The following KAZN variants were observed in gnomAD, a reference collection of about 807,000 sequenced individuals.
KAZN encodes the protein kazrin.
In KAZN, 40 loss-of-function variants were observed where a neutral mutation model predicts 87.4. The observed-to-expected ratio is 0.46, with a 90% confidence interval of 0.36 to 0.60. The LOEUF is 0.60. KAZN is among the 20% of genes least tolerant of loss of function. The pLI is 0.00. For missense variants in KAZN, 898 were observed against 1,073.9 expected (o/e 0.84, Z 2.29); for synonymous variants, 466 against 458.3 (o/e 1.02, Z -0.22).
At chr1:14,254,863 C>T (rs1021037276) in intron 2 of KAZN, among the ~76,000 whole-genome samples, 1 of 152,116 alleles carries the variant, frequency 6.6e-6, no homozygotes, top group Non-Finnish European at 1.5e-5. Flanking sequence ...TGGCTCATGC[C>T]TGTAATCCCA....
intron 1 of KAZN, among the ~76,000 whole-genome samples, chr1:14,946,431 G>A (rs920864347): frequency 4.6e-5 from 7 of 151,118 alleles, no homozygotes; most frequent in South Asian, 2.1e-4. Context: ...TCTGCCTCCC[G>A]GGTTCACGCC....
At chr1:14,221,253 T>C (rs559915716) in intron 2 of KAZN, among the ~76,000 whole-genome samples, 3 of 152,298 alleles carry the variant, frequency 2.0e-5, no homozygotes, top group East Asian at 3.9e-4. Context: ...CACAACTATA[T>C]TCGAAAGGTA....
At chr1:14,802,683 A>G (rs900176557) in intron 1 of KAZN, among the ~76,000 whole-genome samples, 10 of 152,174 alleles carry the variant, frequency 6.6e-5, no homozygotes, top group African/African-American at 2.4e-4. Context: ...GTTCACAGAC[A>G]CTGTTCCAAC....
intron 1 of KAZN, among the ~76,000 whole-genome samples, chr1:14,960,136 T>C (rs908708814): frequency 1.3e-5 from 2 of 152,182 alleles, no homozygotes; most frequent in Non-Finnish European, 2.9e-5. Flanking sequence ...AATATGCCTT[T>C]CTATGGCTGT....
chr1:14,705,647 A>G (rs1642168620), intron 1 of KAZN, among the ~76,000 whole-genome samples: 1 of 152,198 alleles, frequency 6.6e-6, no homozygotes, highest in Non-Finnish European at 1.5e-5. Context: ...GTGGAACTGG[A>G]GGACATTATG....
At chr1:14,796,454 C>T (rs968804857) in intron 1 of KAZN, among the ~76,000 whole-genome samples, 1 of 152,222 alleles carries the variant, frequency 6.6e-6, no homozygotes, top group African/African-American at 2.4e-5. Flanking sequence ...CAGACCTTGT[C>T]CTGCCCAGCT....
chr1:14,722,872 T>A (rs949704430), intron 1 of KAZN, among the ~76,000 whole-genome samples: 1 of 152,148 alleles, frequency 6.6e-6, no homozygotes, highest in Non-Finnish European at 1.5e-5. Flanking sequence ...ATGCCTGTAA[T>A]CCCAACCCTT....
intron 1 of KAZN, among the ~76,000 whole-genome samples, chr1:13,908,539 G>T (rs185284309): frequency 4.5e-4 from 69 of 152,324 alleles, no homozygotes; most frequent in African/African-American, 1.4e-3. Flanking sequence ...TTAAACAAAA[G>T]TTCCTTTGTG....
chr1:14,049,318 G>A (rs1159765376), intron 1 of KAZN, among the ~76,000 whole-genome samples: 1 of 152,076 alleles, frequency 6.6e-6, no homozygotes, highest in Non-Finnish European at 1.5e-5. Flanking sequence ...GCCTGTTGTG[G>A]GGTGGGGGGA....
At chr1:15,113,875 CTTTACTT>C (rs1257598569) in intron 14 of KAZN, 1 of 152,124 alleles carries the variant, frequency 6.6e-6, no homozygotes, top group Non-Finnish European at 1.5e-5. Flanking sequence ...ACTGGTGGGA[CTTTACTT>C]TTTACAACAA....
chr1:14,532,378 G>A (rs999331336), intron 2 of KAZN, among the ~76,000 whole-genome samples: 3 of 152,116 alleles, frequency 2.0e-5, no homozygotes, highest in Non-Finnish European at 2.9e-5. Flanking sequence ...AGGACATTCC[G>A]GAGACTTGCT....
chr1:14,258,477 C>T (rs1276181784), intron 2 of KAZN, among the ~76,000 whole-genome samples: 2 of 150,830 alleles, frequency 1.3e-5, no homozygotes, highest in South Asian at 2.1e-4. Context: ...CCTCGTGATC[C>T]ACCTGCCTCG....
chr1:14,090,424 C>T (rs115150391), intron 1 of KAZN, among the ~76,000 whole-genome samples: 1,971 of 151,738 alleles, frequency 0.013, 40 homozygotes, highest in African/African-American at 0.045. Flanking sequence ...CTGTCAATTC[C>T]GTCTGGTATT....
At chr1:14,654,013 C>T (rs1035091973) in intron 1 of KAZN, among the ~76,000 whole-genome samples, 3 of 152,166 alleles carry the variant, frequency 2.0e-5, no homozygotes, top group Non-Finnish European at 2.9e-5. Flanking sequence ...AGGCCAGGCA[C>T]GATGGCTCAC....
intron 2 of KAZN, among the ~76,000 whole-genome samples, chr1:14,556,343 T>A (rs562390624): frequency 6.6e-6 from 1 of 151,382 alleles, no homozygotes; most frequent in African/African-American, 2.4e-5. Context: ...TCTCCTGACC[T>A]CGTGATCCAC....
intron 1 of KAZN, among the ~76,000 whole-genome samples, chr1:14,010,150 A>T (rs1226311488): frequency 6.6e-6 from 1 of 152,066 alleles, no homozygotes; most frequent in Non-Finnish European, 1.5e-5. Flanking sequence ...TTATCCTACC[A>T]TGGGTCTGAG....
At chr1:14,719,914 G>C (rs1413971811) in intron 1 of KAZN, among the ~76,000 whole-genome samples, 1 of 152,230 alleles carries the variant, frequency 6.6e-6, no homozygotes, top group African/African-American at 2.4e-5. Context: ...GGAATGGCCA[G>C]TGCAAAGGCC....
intron 2 of KAZN, among the ~76,000 whole-genome samples, chr1:14,419,175 T>C (rs549682917): frequency 6.6e-6 from 1 of 152,216 alleles, no homozygotes; most frequent in Non-Finnish European, 1.5e-5. Flanking sequence ...GTAATAAATA[T>C]ACCTTATACA....
At chr1:14,988,882 G>A (rs1365773730) in intron 2 of KAZN, among the ~76,000 whole-genome samples, 1 of 152,224 alleles carries the variant, frequency 6.6e-6, no homozygotes, top group Non-Finnish European at 1.5e-5. Context: ...CTCTGGGCAC[G>A]CTTACCACTG....
Sources: allele counts gnomAD v4.1 joint callset (sites outside exome capture counted in the v4.1 genomes callset), GRCh38; gene constraint gnomAD v4.1.1; transcripts MANE v1.5; gene names NCBI Gene and HGNC (gene_info 2026-07-23, HGNC 2026-07-21).